ESRRG: variants seen among roughly 807,000 people sequenced by gnomAD.
ESRRG encodes estrogen-related receptor gamma.
ESRRG carries 13 observed loss-of-function variants against 44.0 expected under a neutral mutation model. The observed-to-expected ratio is 0.30, with a 90% confidence interval of 0.19 to 0.47. The LOEUF (loss-of-function observed/expected upper bound fraction) is 0.47, where lower values mean the gene tolerates loss of function less well. Ranked by LOEUF, ESRRG falls within the 20% of genes least tolerant of loss-of-function variation. ESRRG has a pLI of 1.00. For missense variants in ESRRG, 395 were observed against 580.6 expected, an observed-to-expected ratio of 0.68 and a Z score of 3.29; for synonymous variants, 215 against 214.6, an observed-to-expected ratio of 1.00 and a Z score of -0.02.
chr1:216,782,488 C>G (rs998334171), intron 2 of ESRRG, among the ~76,000 whole-genome samples: 1 of 152,170 alleles, frequency 6.6e-6, no homozygotes, highest in African/African-American at 2.4e-5. Context: ...AAAATTCAAG[C>G]CTCAATCACC....
At chr1:216,624,882 C>T (rs1353995294) in intron 3 of ESRRG, among the ~76,000 whole-genome samples, 1 of 152,146 alleles carries the variant, frequency 6.6e-6, no homozygotes, top group African/African-American at 2.4e-5. Flanking sequence ...AAGTAAATTA[C>T]TATTTCTTCT....
At chr1:217,100,950 G>A (rs1470795286) in intron 1 of ESRRG, among the ~76,000 whole-genome samples, 1 of 152,148 alleles carries the variant, frequency 6.6e-6, no homozygotes, top group African/African-American at 2.4e-5. Flanking sequence ...TCTACTTTAT[G>A]GCCACAAAGC....
At chr1:216,668,748 A>G (rs920385471) in intron 2 of ESRRG, among the ~76,000 whole-genome samples, 3 of 152,150 alleles carry the variant, frequency 2.0e-5, no homozygotes, top group African/African-American at 7.2e-5. Flanking sequence ...ATTCACGCAT[A>G]TATATTATAG....
intron 2 of ESRRG, among the ~76,000 whole-genome samples, chr1:216,928,685 G>A (rs1028261274): frequency 1.3e-5 from 2 of 152,086 alleles, no homozygotes; most frequent in African/African-American, 4.8e-5. Context: ...TAAAACAATG[G>A]TCTCCTATGG....
chr1:216,519,563 G>C, intron 5 of ESRRG, 142 bp from the exon 6 acceptor site: 3 of 785,568 alleles, frequency 3.8e-6, no homozygotes, highest in Non-Finnish European at 5.8e-6. Context: ...ATTTTCCCTG[G>C]ATCACTTTGC....
chr1:217,034,704 G>A (rs982911108), intron 1 of ESRRG, among the ~76,000 whole-genome samples: 1 of 152,146 alleles, frequency 6.6e-6, no homozygotes, highest in African/African-American at 2.4e-5. Flanking sequence ...GAGCAGGTAG[G>A]GCAGCGTTGG....
intron 1 of ESRRG, among the ~76,000 whole-genome samples, chr1:217,107,840 A>G (rs2092616629): frequency 6.6e-6 from 1 of 152,126 alleles, no homozygotes; most frequent in South Asian, 2.1e-4. Flanking sequence ...AGAGCCAAAA[A>G]ATATAATTTT....
chr1:216,941,571 G>A (rs968455689), intron 1 of ESRRG, among the ~76,000 whole-genome samples: 3 of 152,242 alleles, frequency 2.0e-5, no homozygotes, highest in Admixed American at 6.5e-5. Context: ...CAGGAGATTC[G>A]GTTTGTGGGC....
chr1:216,781,527 T>G (rs745585735), intron 2 of ESRRG, among the ~76,000 whole-genome samples: 4 of 152,028 alleles, frequency 2.6e-5, no homozygotes, highest in African/African-American at 4.8e-5. Flanking sequence ...TTACGTAATG[T>G]CTTCTGCACT....
At chr1:216,828,103 A>G (rs1353427512) in intron 2 of ESRRG, among the ~76,000 whole-genome samples, 1 of 152,152 alleles carries the variant, frequency 6.6e-6, no homozygotes, top group Non-Finnish European at 1.5e-5. Context: ...AGGATTGAAC[A>G]TTTCTCTCAA....
At chr1:216,605,568 T>A (rs2059821066) in intron 3 of ESRRG, among the ~76,000 whole-genome samples, 1 of 152,188 alleles carries the variant, frequency 6.6e-6, no homozygotes, top group Admixed American at 6.5e-5. Context: ...ACTATATGTG[T>A]CTATGTATAC....
At chr1:217,069,455 A>G (rs1176254604) in intron 1 of ESRRG, among the ~76,000 whole-genome samples, 1 of 151,188 alleles carries the variant, frequency 6.6e-6, no homozygotes, top group Non-Finnish European at 1.5e-5. Flanking sequence ...ATATATAGAT[A>G]GCACCTATTA....
intron 1 of ESRRG, among the ~76,000 whole-genome samples, chr1:216,696,460 C>T (rs1312088383): frequency 6.6e-6 from 1 of 151,484 alleles, no homozygotes; most frequent in Non-Finnish European, 1.5e-5. Context: ...ACTATTTGAC[C>T]CCAAAATAAC....
At chr1:216,876,976 A>G (rs982606978) in intron 2 of ESRRG, among the ~76,000 whole-genome samples, 4 of 145,366 alleles carry the variant, frequency 2.8e-5, no homozygotes, top group Admixed American at 6.9e-5. Context: ...CTCTTCACTA[A>G]TGTGTGTGTG....
intron 1 of ESRRG, among the ~76,000 whole-genome samples, chr1:217,068,173 G>A (rs773074428): frequency 6.6e-6 from 1 of 152,150 alleles, no homozygotes; most frequent in Non-Finnish European, 1.5e-5. Flanking sequence ...CACAATGACA[G>A]GAAAGCCTGA....
intron 2 of ESRRG, among the ~76,000 whole-genome samples, chr1:216,818,906 C>G (rs2148579494): frequency 6.6e-6 from 1 of 152,234 alleles, no homozygotes; most frequent in South Asian, 2.1e-4. Context: ...AGGATAACAG[C>G]TTCCAGGTCT....
At chr1:217,046,106 C>T (rs1317455168) in intron 1 of ESRRG, among the ~76,000 whole-genome samples, 2 of 151,166 alleles carry the variant, frequency 1.3e-5, no homozygotes, top group Non-Finnish European at 2.9e-5. Context: ...TAAGGCATGT[C>T]GCCAATAAAA....
intron 1 of ESRRG, among the ~76,000 whole-genome samples, chr1:216,689,802 T>C (rs895744127): frequency 1.0e-4 from 15 of 150,558 alleles, no homozygotes; most frequent in Admixed American, 5.9e-4. Context: ...TTAAAGATTA[T>C]ACAGATGAAA....
At chr1:216,659,798 A>G (rs918728534) in intron 2 of ESRRG, among the ~76,000 whole-genome samples, 1 of 152,076 alleles carries the variant, frequency 6.6e-6, no homozygotes, top group Non-Finnish European at 1.5e-5. Context: ...TTAGCACTTA[A>G]CACACTTTAT....
Sources: allele counts gnomAD v4.1 joint callset (sites outside exome capture counted in the v4.1 genomes callset), GRCh38; gene constraint gnomAD v4.1.1; transcripts MANE v1.5; gene names NCBI Gene and HGNC (gene_info 2026-07-23, HGNC 2026-07-21).